The following TMEM132D variants were observed in gnomAD, a reference collection of about 807,000 sequenced individuals.
TMEM132D encodes transmembrane protein 132D.
TMEM132D carries 21 observed loss-of-function variants against 62.3 expected under a neutral mutation model. That is an observed-to-expected ratio of 0.34 (90% CI 0.24 to 0.49). TMEM132D has a LOEUF of 0.49. TMEM132D is among the 20% of genes least tolerant of loss of function. The pLI is 0.99. For synonymous variants in TMEM132D, 621 were observed against 575.6 expected, an observed-to-expected ratio of 1.08 and a Z score of -1.13; for missense variants, 1,346 against 1,402.8, an observed-to-expected ratio of 0.96 and a Z score of 0.65.
chr12:129,733,758 C>T lies in TMEM132D; in HGVS notation c.80-33060G>A, dbSNP rs75443717. ...GGCTGTCATGATAATTCCAGTGAGACAGGACGCTGCCCTGGACCGGCACAG... is the reference window on the plus strand; with the variant it reads ...GGCTGTCATGATAATTCCAGTGAGATAGGACGCTGCCCTGGACCGGCACAG... On this transcript the variant is annotated intron_variant, in intron 1 of 8. Transcript: ENST00000422113. Among the ~76,000 whole-genome samples the T allele has an allele frequency of 9.1e-3, 1,390 of 152,208 alleles. 24 individuals are homozygous for T. The highest frequency in any genetic ancestry group is 0.032 in the African/African-American group (1,313 of 41,520).
intron 1 of TMEM132D, among the ~76,000 whole-genome samples, chr12:129,896,510 G>C (rs1049917816): frequency 6.6e-6 from 1 of 152,184 alleles, no homozygotes; most frequent in South Asian, 2.1e-4. Flanking sequence ...CCATCTACCA[G>C]TATAGCTTTC....
chr12:129,395,891 C>A (rs1871413176), intron 3 of TMEM132D, among the ~76,000 whole-genome samples: 1 of 126,930 alleles, frequency 7.9e-6, no homozygotes, highest in African/African-American at 2.9e-5. Context: ...ATTTATATAA[C>A]ATTTATAATA....
chr12:129,236,527 A>AAG (rs1234980216), intron 4 of TMEM132D, among the ~76,000 whole-genome samples: 2 of 148,026 alleles, frequency 1.4e-5, no homozygotes, highest in Admixed American at 6.6e-5. Flanking sequence ...AAAAAAAAAA[A>AAG]AAAAGAAAAA....
intron 3 of TMEM132D, among the ~76,000 whole-genome samples, chr12:129,483,380 A>T (rs887230342): frequency 1.3e-5 from 2 of 152,188 alleles, no homozygotes; most frequent in Non-Finnish European, 1.5e-5. Context: ...TTGCAATTTG[A>T]AAAACACTGA....
intron 4 of TMEM132D, among the ~76,000 whole-genome samples, chr12:129,290,794 C>T (rs542316177): frequency 1.3e-5 from 2 of 152,140 alleles, no homozygotes; most frequent in South Asian, 4.2e-4. Flanking sequence ...TTGACCTCAA[C>T]TGAATGATCT....
chr12:129,513,541 G>C (rs1305850281), intron 3 of TMEM132D, among the ~76,000 whole-genome samples: 1 of 152,142 alleles, frequency 6.6e-6, no homozygotes, highest in South Asian at 2.1e-4. Flanking sequence ...CTGGAGTGCA[G>C]TGGCGCGATC....
chr12:129,300,281 T>C (rs114011980), intron 4 of TMEM132D, among the ~76,000 whole-genome samples: 296 of 152,304 alleles, frequency 1.9e-3, no homozygotes, highest in African/African-American at 6.6e-3. Context: ...AGTTGCCACA[T>C]AGGAACCCTA....
chr12:129,223,037 C>T (rs954055692), intron 4 of TMEM132D, among the ~76,000 whole-genome samples: 3 of 151,984 alleles, frequency 2.0e-5, no homozygotes, highest in Middle Eastern at 3.2e-3. Flanking sequence ...GTTTATTTGC[C>T]AGTTATACCT....
intron 4 of TMEM132D, among the ~76,000 whole-genome samples, chr12:129,305,577 A>G (rs1881829320): frequency 6.6e-6 from 1 of 152,206 alleles, no homozygotes; most frequent in South Asian, 2.1e-4. Flanking sequence ...GGTATACTTA[A>G]AAAAATATAT....
At chr12:129,896,249 A>G (rs1172637079) in intron 1 of TMEM132D, among the ~76,000 whole-genome samples, 1 of 151,954 alleles carries the variant, frequency 6.6e-6, no homozygotes, top group East Asian at 1.9e-4. Context: ...GGGCCCCCCA[A>G]AGAGCTGGGA....
chr12:129,760,540 G>C (rs114581373), intron 1 of TMEM132D, among the ~76,000 whole-genome samples: 1 of 150,078 alleles, frequency 6.7e-6, no homozygotes, highest in South Asian at 2.1e-4. Flanking sequence ...TAGCAGAGAT[G>C]GGGTATCCTG....
chr12:129,590,302 C>A (rs1878153230), intron 2 of TMEM132D, among the ~76,000 whole-genome samples: 1 of 152,172 alleles, frequency 6.6e-6, no homozygotes. Context: ...CACGTCAGAA[C>A]TGCCACATTC....
At chr12:129,222,184 C>T (rs139481772) in intron 4 of TMEM132D, among the ~76,000 whole-genome samples, 11 of 152,306 alleles carry the variant, frequency 7.2e-5, no homozygotes, top group African/African-American at 2.6e-4. Flanking sequence ...GCAGATCCCA[C>T]ATGAGGCTGG....
At chr12:129,313,240 C>T (rs1203456254) in intron 4 of TMEM132D, among the ~76,000 whole-genome samples, 6 of 152,172 alleles carry the variant, frequency 3.9e-5, no homozygotes, top group South Asian at 2.1e-4. Context: ...TCTTTGGTGG[C>T]GATTTGTGAG....
chr12:129,783,906 A>T (rs1484462153), intron 1 of TMEM132D, among the ~76,000 whole-genome samples: 6 of 152,236 alleles, frequency 3.9e-5, no homozygotes, highest in Non-Finnish European at 8.8e-5. Context: ...AAGCCACACC[A>T]TTCTAAACGA....
intron 4 of TMEM132D, among the ~76,000 whole-genome samples, chr12:129,307,009 G>C (rs759068406): frequency 6.6e-6 from 1 of 151,794 alleles, no homozygotes; most frequent in Non-Finnish European, 1.5e-5. Context: ...AACTCAAACT[G>C]CCTCAAATAT....
chr12:129,376,602 C>T (rs1036792482), intron 3 of TMEM132D, among the ~76,000 whole-genome samples: 1 of 152,164 alleles, frequency 6.6e-6, no homozygotes. Context: ...CCCTAACCCC[C>T]AGTACCTCAG....
At position 129,779,223 on chromosome 12, in the gene TMEM132D, A is replaced by G. The variant is rs1178140375; in HGVS notation, c.80-78525T>C. Among the ~76,000 whole-genome samples, 1 of 152,206 alleles carries G rather than the reference A, an allele frequency of 6.6e-6. No homozygotes were observed. The highest frequency in any genetic ancestry group is 1.5e-5 in the Non-Finnish European group (1 of 68,042). On this transcript the variant is annotated intron_variant, in intron 1 of 8. Transcript: ENST00000422113. This position sits in a 1 kb window ranked among gnomAD's most constrained non-coding sequence, Gnocchi z 4.1. Reference sequence around the variant, plus strand: ...TTTGATGCTTTAACATGCAGAGTAGAACGGCTACACCCAGCTACAAGCAGT... The same window carrying G: ...TTTGATGCTTTAACATGCAGAGTAGGACGGCTACACCCAGCTACAAGCAGT...
chr12:129,812,515 T>C (rs552656920), intron 1 of TMEM132D, among the ~76,000 whole-genome samples: 6 of 151,918 alleles, frequency 3.9e-5, no homozygotes, highest in Admixed American at 2.6e-4. Flanking sequence ...AGAAGCTGTC[T>C]CCATTTCCTC....
Sources: allele counts gnomAD v4.1 joint callset (sites outside exome capture counted in the v4.1 genomes callset), GRCh38; gene constraint gnomAD v4.1.1; non-coding constraint Gnocchi (gnomAD v3.1); transcripts MANE v1.5; gene names NCBI Gene and HGNC (gene_info 2026-07-23, HGNC 2026-07-21).